The following ARMC1 variants were observed in gnomAD, a reference collection of about 807,000 sequenced individuals.
ARMC1 encodes the protein armadillo repeat-containing protein 1.
ARMC1 carries 16 observed loss-of-function variants against 31.4 expected under a neutral mutation model. The observed-to-expected ratio is 0.51, with a 90% CI of 0.34 to 0.77. The LOEUF is 0.77. Among genes scored for constraint, ARMC1 ranks in the 30% least tolerant of loss-of-function variants. The pLI, the probability that ARMC1 is intolerant of heterozygous loss-of-function variation, is 0.01. For synonymous variants in ARMC1, 114 were observed against 118.9 expected, an observed-to-expected ratio of 0.96 and a Z score of 0.27; for missense variants, 259 against 347.5, an observed-to-expected ratio of 0.75 and a Z score of 2.02.
intron 3 of ARMC1, among the ~76,000 whole-genome samples, chr8:65,613,735 G>A (rs1282424088): frequency 1.3e-5 from 2 of 152,174 alleles, no homozygotes; most frequent in Admixed American, 6.5e-5. Flanking sequence ...GGAGGCCAAG[G>A]CAGGTGGATC....
At chr8:65,624,265 G>A (rs1046762609) in intron 2 of ARMC1, among the ~76,000 whole-genome samples, 2 of 151,532 alleles carry the variant, frequency 1.3e-5, no homozygotes, top group Non-Finnish European at 2.9e-5. Flanking sequence ...TTGGGAAGCT[G>A]AGGGGGGCAG....
At chr8:65,614,961 G>A (rs1322961727) in intron 3 of ARMC1, among the ~76,000 whole-genome samples, 8 of 152,066 alleles carry the variant, frequency 5.3e-5, no homozygotes, top group Non-Finnish European at 1.0e-4. Flanking sequence ...TCTTTTATAA[G>A]TATATGAACT....
chr8:65,605,642 A>T, intron 4 of ARMC1, 104 bp from the exon 5 acceptor site: 2 of 803,542 alleles, frequency 2.5e-6, no homozygotes, highest in Non-Finnish European at 4.1e-6. Context: ...CAAATGACCT[A>T]TTTCAGTTTT....
intron 4 of ARMC1, among the ~76,000 whole-genome samples, chr8:65,611,641 C>CT (rs1808142603): frequency 6.6e-6 from 1 of 151,984 alleles, no homozygotes; most frequent in African/African-American, 2.4e-5. Context: ...GATACCCTTT[C>CT]TTTTTTGTAT....
chr8:65,627,114 GCT>G (rs1281486157), intron 2 of ARMC1, 100 bp downstream of exon 2: 10 of 1,075,654 alleles, frequency 9.3e-6, no homozygotes, highest in African/African-American at 1.6e-5. Flanking sequence ...ACAACTAATT[GCT>G]CTCTTTCCGT....
intron 3 of ARMC1, among the ~76,000 whole-genome samples, chr8:65,617,107 C>G (rs1808287174): frequency 6.6e-6 from 1 of 152,218 alleles, no homozygotes; most frequent in South Asian, 2.1e-4. Flanking sequence ...CGGCGGCCAC[C>G]CTGTCTGGGA....
In ARMC1 at chr8:65,604,461, T is replaced by C. The variant is rs150868518; in HGVS notation, c.782A>G (p.His261Arg). Residue 261 changes from histidine (H) to arginine (R), a missense_variant, in exon 7 of 7, where the codon CAC (histidine) becomes CGC (arginine). His to Arg is a conservative substitution (Grantham distance 29). Transcript: ENST00000276569. ...AAGCCAGCTAGCTCCACCTTCTGGG[T>C]GTGAGCCGACCCGGGACACCGCTTT... ...QDKAVSRVGS[H>R]PEGGASWLST... 1.1e-4 allele frequency: 174 copies of C among 1,614,038 alleles called. 1 individual carries two copies. The highest frequency in any genetic ancestry group is 1.4e-4 in the Non-Finnish European group (169 of 1,180,034).
intron 1 of ARMC1, chr8:65,632,872 T>C (rs1585725682): frequency 6.6e-6 from 1 of 152,216 alleles, no homozygotes; most frequent in African/African-American, 2.4e-5. Flanking sequence ...TAACAAATGA[T>C]GAAAATGTGA....
chr8:65,613,153 A>T, intron 4 of ARMC1, 91 bp downstream of exon 4: 6 of 1,070,688 alleles, frequency 5.6e-6, no homozygotes, highest in Non-Finnish European at 7.9e-6. Flanking sequence ...AAATACTGAT[A>T]TCGAGATTTA....
rs973003377 is a variant in ARMC1 at position 65,603,138 on chromosome 8, A to G, written c.*1256T>C. 3 of 152,192 alleles carry G rather than the reference A, an allele frequency of 2.0e-5. No homozygotes were observed. Among genetic ancestry groups the G allele is most frequent in the African/African-American group, 7.2e-5 (3 of 41,450 alleles). 9.4% of individuals were successfully genotyped at this position (152,192 alleles called of 1,614,324 possible). On this transcript the variant is annotated 3_prime_UTR_variant, in exon 7 of 7. Transcript: ENST00000276569. ...TGTATCTGGATTTATTAATTTCCAA[A>G]AAGAAAATTTTAGTTACCAAATATT...
At chr8:65,628,297 G>A (rs1554542294) in intron 1 of ARMC1, among the ~76,000 whole-genome samples, 1 of 151,642 alleles carries the variant, frequency 6.6e-6, no homozygotes, top group Admixed American at 6.6e-5. Flanking sequence ...TGTCACCCAG[G>A]CTGGAATGCA....
intron 3 of ARMC1, among the ~76,000 whole-genome samples, chr8:65,619,809 T>A (rs1043840297): frequency 1.3e-5 from 2 of 151,012 alleles, no homozygotes; most frequent in Non-Finnish European, 3.0e-5. Flanking sequence ...CATGGTCAAA[T>A]CCTGTCTCTA....
intron 3 of ARMC1, among the ~76,000 whole-genome samples, chr8:65,616,289 C>T (rs1808255106): frequency 6.6e-6 from 1 of 152,316 alleles, no homozygotes; most frequent in East Asian, 1.9e-4. Context: ...CGCGCTGCCA[C>T]GCCTGACTGG....
chr8:65,626,378 A>G (rs890454564), intron 2 of ARMC1, among the ~76,000 whole-genome samples: 1 of 151,176 alleles, frequency 6.6e-6, no homozygotes. Flanking sequence ...TCGAGGTAGA[A>G]GAATCACTTG....
At chr8:65,614,948 AT>A (rs1332557702) in intron 3 of ARMC1, among the ~76,000 whole-genome samples, 3 of 152,080 alleles carry the variant, frequency 2.0e-5, no homozygotes, top group African/African-American at 7.2e-5. Flanking sequence ...TTAATTTTCT[AT>A]TTCTTTTATA....
In ARMC1 at chr8:65,632,161, A is replaced by G. The variant is rs1467303008; in HGVS notation, c.-36+1837T>C. Among the ~76,000 whole-genome samples the G allele has an allele frequency of 2.0e-5, 3 of 151,930 alleles. No individual in the cohort carries two copies. In the East Asian group the frequency reaches 5.8e-4, roughly 29 times the overall value. On this transcript the variant is annotated intron_variant, in intron 1 of 6. Transcript: ENST00000276569. ...AGCTCTAAAACTCTGTAAGATGGCC[A>G]GGTACCATGGCTCAGGCCGGTAATC...
At chr8:65,627,738 CT>C (rs888746197) in intron 1 of ARMC1, among the ~76,000 whole-genome samples, 3 of 152,192 alleles carry the variant, frequency 2.0e-5, no homozygotes, top group African/African-American at 7.2e-5. Flanking sequence ...AGCTAGTAAG[CT>C]TTGCTATACT....
At chr8:65,623,306 T>TAAAAAAAA in intron 2 of ARMC1, among the ~76,000 whole-genome samples, 1 of 2,664 alleles carries the variant, frequency 3.8e-4, no homozygotes. Flanking sequence ...AGACTCCGTC[T>TAAAAAAAA]CAAAAAAAAA....
At chr8:65,612,907 A>G (rs1808172439) in intron 4 of ARMC1, among the ~76,000 whole-genome samples, 1 of 152,112 alleles carries the variant, frequency 6.6e-6, no homozygotes, top group Non-Finnish European at 1.5e-5. Flanking sequence ...AAATTAGGTT[A>G]AATTGGTTGA....
Sources: allele counts gnomAD v4.1 joint callset (sites outside exome capture counted in the v4.1 genomes callset), GRCh38; gene constraint gnomAD v4.1.1; transcripts MANE v1.5; gene names NCBI Gene and HGNC (gene_info 2026-07-23, HGNC 2026-07-21).